Variants in GNAL observed in about 807,000 individuals in gnomAD.
GNAL encodes the protein G protein subunit alpha L, also known as guanine nucleotide-binding protein G(olf) subunit alpha.
In GNAL, 18 loss-of-function variants were observed where a neutral mutation model predicts 55.1. That is an observed-to-expected ratio of 0.33 (90% CI 0.23 to 0.48). The LOEUF (loss-of-function observed/expected upper bound fraction) is 0.48. Ranked by LOEUF, GNAL falls within the 20% of genes least tolerant of loss-of-function variation. The probability of loss-of-function intolerance (pLI) is 0.99; values close to 1 mark genes in which losing one functional copy is unlikely to be tolerated. For synonymous variants in GNAL, 253 were observed against 237.0 expected (o/e 1.07, Z -0.62); for missense variants, 412 against 614.1 (o/e 0.67, Z 3.48).
At chr18:11,855,234 C>CCGGT (rs1175806355) in intron 5 of GNAL, among the ~76,000 whole-genome samples, 33 of 152,326 alleles carry the variant, frequency 2.2e-4, no homozygotes, top group African/African-American at 7.7e-4. Context: ...GCCACCGCGC[C>CCGGT]CGGTCCCCTG....
chr18:11,746,449 A>G (rs2032689385), intron 1 of GNAL: 1 of 243,914 alleles, frequency 4.1e-6, no homozygotes, highest in Non-Finnish European at 8.1e-6. Flanking sequence ...ATCTCTACAG[A>G]AAATTTAAAA....
intron 1 of GNAL, among the ~76,000 whole-genome samples, chr18:11,712,351 T>C (rs1454621419): frequency 6.6e-6 from 1 of 152,164 alleles, no homozygotes; most frequent in African/African-American, 2.4e-5. Context: ...GTGCATAAAA[T>C]TGAATTGCCC....
chr18:11,875,372 T>G (rs2036506728), intron 10 of GNAL, among the ~76,000 whole-genome samples: 1 of 152,224 alleles, frequency 6.6e-6, no homozygotes, highest in Non-Finnish European at 1.5e-5. Flanking sequence ...TACCTTAGGC[T>G]GGTGATAGGA....
intron 4 of GNAL, among the ~76,000 whole-genome samples, chr18:11,778,865 G>T (rs528528064): frequency 6.6e-6 from 1 of 152,146 alleles, no homozygotes; most frequent in African/African-American, 2.4e-5. Flanking sequence ...CTTCAGCAAT[G>T]GTTGTCTGTT....
At chr18:11,715,255 C>A (rs1440485219) in intron 1 of GNAL, among the ~76,000 whole-genome samples, 2 of 151,432 alleles carry the variant, frequency 1.3e-5, no homozygotes, top group Non-Finnish European at 2.9e-5. Flanking sequence ...GTCAGGAGAT[C>A]GAGACCATCC....
At chr18:11,825,352 G>T (rs1598409707) in intron 5 of GNAL, among the ~76,000 whole-genome samples, 1 of 152,122 alleles carries the variant, frequency 6.6e-6, no homozygotes, top group Non-Finnish European at 1.5e-5. Context: ...TGGAGCAGGG[G>T]CCTCAAATTA....
chr18:11,748,497 A>C (rs1355923589), intron 1 of GNAL, among the ~76,000 whole-genome samples: 1 of 149,542 alleles, frequency 6.7e-6, no homozygotes, highest in African/African-American at 2.5e-5. Context: ...TATTATTAAT[A>C]TATTAACTTC....
At chr18:11,879,835 G>A (rs2036620453) in intron 11 of GNAL, among the ~76,000 whole-genome samples, 1 of 152,362 alleles carries the variant, frequency 6.6e-6, no homozygotes, top group Admixed American at 6.5e-5. Flanking sequence ...TCTCCCAGAA[G>A]GCAGCAAACG....
At chr18:11,782,316 CAAAAG>C (rs1422699025) in intron 4 of GNAL, among the ~76,000 whole-genome samples, 1 of 150,446 alleles carries the variant, frequency 6.6e-6, no homozygotes, top group East Asian at 1.9e-4. Context: ...GACTCCGTCT[CAAAAG>C]AAAAAAAGAA....
intron 1 of GNAL, among the ~76,000 whole-genome samples, chr18:11,711,030 C>T (rs769024629): frequency 8.3e-4 from 126 of 152,184 alleles, no homozygotes; most frequent in Admixed American, 2.2e-3. Context: ...CGCCTGCCAC[C>T]GCGCCCGGCT....
intron 4 of GNAL, among the ~76,000 whole-genome samples, 188 bp downstream of exon 4, chr18:11,754,133 G>A (rs1048456124): frequency 8.5e-5 from 13 of 152,054 alleles, no homozygotes; most frequent in South Asian, 6.2e-4. Context: ...TATTAACTAC[G>A]GCCAGGGGCG....
Position 11,853,383 on chromosome 18 carries a change from T to G in GNAL, c.723-9012T>G, listed in dbSNP as rs573042549. The G allele has an allele frequency of 1.2e-3, 205 of 167,240 alleles. 2 individuals are homozygous for G. The highest frequency in any genetic ancestry group is 3.7e-3 in the South Asian group (18 of 4,830). The allele number at this position is 167,240 out of a possible 1,614,324, so 10.4% of individuals were successfully genotyped here. A position where few individuals can be genotyped will look rare whatever the true frequency, so the allele number is the denominator to read the frequency against. ...TTCTGGCTGAAAAGTAAAGCATGTA[T>G]CCACCGCTTTCTCATAGCCTCGAAA... On this transcript the variant is annotated intron_variant, in intron 5 of 11. Coordinates refer to ENST00000334049, the MANE Select transcript of GNAL (RefSeq NM_182978.4).
chr18:11,730,046 T>C (rs9945241), intron 1 of GNAL, among the ~76,000 whole-genome samples: 3,587 of 151,716 alleles, frequency 0.024, 95 homozygotes, highest in African/African-American at 0.065. Context: ...CTTTTCTTTT[T>C]TTTTTGAGAC....
chr18:11,716,900 C>T (rs889406363), intron 1 of GNAL, among the ~76,000 whole-genome samples: 6 of 152,366 alleles, frequency 3.9e-5, no homozygotes, highest in Non-Finnish European at 7.3e-5. Context: ...GGATCCCGCA[C>T]GGGGGCTGCA....
At chr18:11,769,542 C>G (rs1475896272) in intron 4 of GNAL, among the ~76,000 whole-genome samples, 2 of 152,212 alleles carry the variant, frequency 1.3e-5, no homozygotes, top group East Asian at 3.9e-4. Context: ...CCATGATGTT[C>G]AGAAAAATGA....
At chr18:11,762,545 T>C (rs2033277064) in intron 4 of GNAL, among the ~76,000 whole-genome samples, 1 of 152,168 alleles carries the variant, frequency 6.6e-6, no homozygotes, top group Non-Finnish European at 1.5e-5. Flanking sequence ...CTGAGCTGAA[T>C]CTTCCTTGAA....
In GNAL at chr18:11,789,009, A is replaced by T. The variant is rs188110562; in HGVS notation, c.624+35064A>T. Among the ~76,000 whole-genome samples, 79 of 150,648 alleles carry T rather than the reference A, an allele frequency of 5.2e-4. No homozygotes were observed. In the East Asian group the frequency reaches 5.7e-3, roughly 11 times the overall value. Reference sequence around the variant, plus strand: ...ATAAGTTAAATGTAGAGTATTAGTTATAAAGAGGACTTGATACCACAAGTT... The same window carrying T: ...ATAAGTTAAATGTAGAGTATTAGTTTTAAAGAGGACTTGATACCACAAGTT... On this transcript the variant is annotated intron_variant, in intron 4 of 11. Transcript: ENST00000334049.
At position 11,790,651 on chromosome 18, in the gene GNAL, C is replaced by CTTTTTTTTTTTTTTTTTTTTTT. The variant is rs1232488173; in HGVS notation, c.625-34258_625-34257insTTTTTTTTTTTTTTTTTTTTTT. On this transcript the variant is annotated intron_variant, in intron 4 of 11. Coordinates refer to ENST00000334049, the MANE Select transcript of GNAL (RefSeq NM_182978.4). The stretch of plus-strand genomic sequence containing the variant: ...GATGGTTTTTCTTTTCTTTTCTTTT[C>CTTTTTTTTTTTTTTTTTTTTTT]TTTTTTTTTCTTTTTTTTTTTTTTT... 1.1e-4 allele frequency among the ~76,000 whole-genome samples: 9 copies of CTTTTTTTTTTTTTTTTTTTTTT among 83,354 alleles called. 1 individual carries two copies. Among genetic ancestry groups the CTTTTTTTTTTTTTTTTTTTTTT allele is most frequent in the African/African-American group, 4.3e-4 (8 of 18,642 alleles). 54.7% of individuals were successfully genotyped at this position (83,354 alleles called of 152,430 possible). A position where few individuals can be genotyped will look rare whatever the true frequency, so the allele number is the denominator to read the frequency against.
At chr18:11,871,343 C>T (rs559244982) in intron 9 of GNAL, among the ~76,000 whole-genome samples, 68 of 151,990 alleles carry the variant, frequency 4.5e-4, no homozygotes, top group African/African-American at 1.5e-3. Flanking sequence ...CTCCACCTCC[C>T]CAGTTCAAGC....
Sources: allele counts gnomAD v4.1 joint callset (sites outside exome capture counted in the v4.1 genomes callset), GRCh38; gene constraint gnomAD v4.1.1; transcripts MANE v1.5; gene names NCBI Gene and HGNC (gene_info 2026-07-23, HGNC 2026-07-21).